Variants in RGS11 observed in about 807,000 individuals in gnomAD.
RGS11 encodes regulator of G-protein signaling 11.
RGS11 carries 86 observed loss-of-function variants against 71.1 expected under a neutral mutation model. That is an observed-to-expected ratio of 1.21 (90% CI 1.02 to 1.45). The LOEUF (loss-of-function observed/expected upper bound fraction) is 1.45. Ranked by LOEUF, RGS11 falls within the 40% of genes most tolerant of loss-of-function variation. RGS11 has a pLI of 0.00. For missense variants in RGS11, 734 were observed against 635.1 expected, an observed-to-expected ratio of 1.16 and a Z score of -1.67; for synonymous variants, 298 against 254.2, an observed-to-expected ratio of 1.17 and a Z score of -1.64.
rs201529925 is a variant in RGS11 at position 273,543 on chromosome 16, G to A, written c.520C>T (p.Arg174Cys). The A allele has an allele frequency of 3.4e-5, 53 of 1,559,756 alleles. No individual in the cohort carries two copies. In the South Asian group the frequency reaches 3.4e-4, roughly 10 times the overall value. The change falls in exon 8 of 17, where the codon CGC becomes TGC. Residue 174 changes from arginine to cysteine, a missense_variant. By Grantham distance (180) the Arg-to-Cys change is radical (BLOSUM62 -3). Transcript: ENST00000397770. The stretch of plus-strand genomic sequence containing the variant: ...ATGACCAGCCTGTCCCCCTTGCTGC[G>A]CTGCTTGGCTGCCCTGGGAGGAGGA... ...AREQLRAAKQRSKGDRLVIAC... is the reference protein window; with the variant it reads ...AREQLRAAKQCSKGDRLVIAC...
At position 270,562 on chromosome 16, in the gene RGS11, C is replaced by G. The variant is rs1330443328; in HGVS notation, c.1167G>C (p.Leu389=). 5 of 1,608,786 alleles carry G rather than the reference C, an allele frequency of 3.1e-6. No individual in the cohort carries two copies. The highest frequency in any genetic ancestry group is 4.2e-6 in the Non-Finnish European group (5 of 1,178,090). The stretch of plus-strand genomic sequence containing the variant: ...TGTATATGTGCAGCTGGGCGTCATC[C>G]AGGACATAGCGGTGGGGCTGGCGCA... The part of the protein sequence containing the change: ...EGLRQPHRYV[L]DDAQLHIYML... Residue 389 remains leucine, a synonymous_variant, in exon 15 of 17, where the codon CTG becomes CTC. Coordinates refer to ENST00000397770, the MANE Select transcript of RGS11 (RefSeq NM_183337.3).
chr16:270,785 T>C lies in RGS11; in HGVS notation c.1026A>G (p.Gly342=). 3.1e-6 allele frequency: 5 copies of C among 1,612,468 alleles called. No individual in the cohort carries two copies. In the South Asian group the frequency reaches 3.3e-5, roughly 11 times the overall value. The change falls in exon 14 of 17, where the codon GGA becomes GGG. Residue 342 remains glycine (G), a synonymous_variant. Transcript: ENST00000397770. ...FWEACEELRY[G]AQAQVPTLVD... is the part of the protein sequence containing the mutation. ...CCAGGGTGGGGACCTGGGCCTGCGC[T>C]CCATATCGAAGCTCCTCACATGCCT...
rs181252644 is a variant in RGS11 at position 268,455 on chromosome 16, C to A, written c.*814G>T. On this transcript the variant is annotated 3_prime_UTR_variant, in exon 17 of 17. Transcript: ENST00000397770. ...GCACCCCCGAAAGGAGCCAGCTGTACCTTCACCCAGTCTGGGGGACTGGTG... is the reference window on the plus strand; with the variant it reads ...GCACCCCCGAAAGGAGCCAGCTGTAACTTCACCCAGTCTGGGGGACTGGTG... 311 of 443,910 alleles carry A rather than the reference C, an allele frequency of 7.0e-4. No homozygotes were observed. The highest frequency in any genetic ancestry group is 2.0e-3 in the Admixed American group (57 of 28,408). The allele number at this position is 443,910 out of a possible 1,614,324, so 27.5% of individuals were successfully genotyped here. A position where few individuals can be genotyped will look rare whatever the true frequency, so the allele number is the denominator to read the frequency against.
Position 268,958 on chromosome 16 carries a change from A to G in RGS11, c.*311T>C. The G allele has an allele frequency of 6.5e-7, 1 of 1,549,160 alleles. No individual in the cohort carries two copies. Among genetic ancestry groups the G allele is most frequent in the Non-Finnish European group, 8.7e-7 (1 of 1,145,734 alleles). On this transcript the variant is annotated 3_prime_UTR_variant, in exon 17 of 17. Transcript: ENST00000397770. ...ATGGGCACCCAGTGCTGGACTGAAG[A>G]CCAGAGAAGGTGGAGCTCCCTGTGG...
Position 275,431 on chromosome 16 carries a change from A to C in RGS11, c.131T>G (p.Leu44Arg). ...QGVKMRSQRL[L>R]VTVIPHAVTG... is the part of the protein sequence containing the mutation. ...CACCGCGTGGGGAATGACGGTGACC[A>C]GCAGGCGCTGGCTCCGCATCTTCAC... Residue 44 changes from leucine (L) to arginine (R), a missense_variant, in exon 2 of 17, where the codon CTG becomes CGG. Physicochemically the swap from Leu to Arg is moderately radical, Grantham distance 102. Coordinates refer to ENST00000397770, the MANE Select transcript of RGS11 (RefSeq NM_183337.3). 4.4e-6 allele frequency: 7 copies of C among 1,602,008 alleles called. No homozygotes were observed. Among genetic ancestry groups the C allele is most frequent in the Non-Finnish European group, 5.9e-6 (7 of 1,179,030 alleles).
Position 274,035 on chromosome 16 carries a change from G to C in RGS11, c.429+8C>G. 1 of 1,548,400 alleles carries C rather than the reference G, an allele frequency of 6.5e-7. No individual in the cohort carries two copies. Among genetic ancestry groups the C allele is most frequent in the East Asian group, 2.4e-5 (1 of 40,918 alleles). On this transcript the variant is annotated splice_region_variant and intron_variant, in intron 6 of 16. Transcript: ENST00000397770. ...CCCAGCCGGGGCGGGAAGGGTGGGGGGTCCCACCTTCTCATAATCCACCAG... is the reference window on the plus strand; with the variant it reads ...CCCAGCCGGGGCGGGAAGGGTGGGGCGTCCCACCTTCTCATAATCCACCAG...
At chr16:270,017 ATGCG>A (rs1394203059) in intron 15 of RGS11, 3 of 180,566 alleles carry the variant, frequency 1.7e-5, no homozygotes, top group African/African-American at 2.4e-5. Flanking sequence ...TGGGAGGCTG[ATGCG>A]GGTGGATCAT....
In RGS11 at chr16:273,504, G is replaced by A; in HGVS notation, c.559C>T (p.Gln187Ter). Residue 187 changes from glutamine (Q) to a stop codon, truncating the protein, a stop_gained, in exon 8 of 17, where the codon CAG (glutamine) becomes TAG (stop). Coordinates refer to ENST00000397770, the MANE Select transcript of RGS11 (RefSeq NM_183337.3). LOFTEE classifies it high-confidence loss of function. ...GGCCTGTTCACCAGCCAGTAGGTCT[G>A]CTCCTGGCACGCAATGACCAGCCTG... ...GDRLVIACQE[Q>*]TYWLVNRPPP... 6.4e-7 allele frequency: 1 copy of A among 1,555,572 alleles called. No homozygotes were observed. The highest frequency in any genetic ancestry group is 1.4e-5 in the African/African-American group (1 of 73,690).
intron 9 of RGS11, chr16:272,601 C>T (rs1233170313): frequency 4.1e-6 from 6 of 1,454,894 alleles, no homozygotes; most frequent in South Asian, 2.7e-5. Flanking sequence ...GAAGAGCCCC[C>T]TTCCTCCCCG....
Position 269,956 on chromosome 16 carries a change from G to A in RGS11, c.1207-371C>T, listed in dbSNP as rs193198043. ...AGGTAGGCCACGCATGGTGGCTCAC[G>A]CCTGTGATCCCGGCCGGGCAGAGTG... On this transcript the variant is annotated intron_variant, in intron 15 of 16. Transcript: ENST00000397770. 126 of 214,526 alleles carry A rather than the reference G, an allele frequency of 5.9e-4. 1 individual carries two copies. The South Asian group carries it at 9.5e-3, about 16-fold the overall frequency. 13.3% of individuals were successfully genotyped at this position (214,526 alleles called of 1,614,324 possible). A position where few individuals can be genotyped will look rare whatever the true frequency, so the allele number is the denominator to read the frequency against.
chr16:270,267 C>G (rs1339215902), intron 15 of RGS11, among the ~76,000 whole-genome samples: 1 of 151,884 alleles, frequency 6.6e-6, no homozygotes, highest in African/African-American at 2.4e-5. Context: ...GAAAACAAAA[C>G]TTTTTAGATC....
At chr16:275,537 C>T (rs1339918483) in intron 1 of RGS11, 39 bp from the exon 2 acceptor site, 25 of 1,473,520 alleles carry the variant, frequency 1.7e-5, no homozygotes, top group Non-Finnish European at 2.2e-5. Flanking sequence ...CTGGCCGCCC[C>T]GCAACCCTGA....
chr16:271,706 C>G (rs1056210184), intron 9 of RGS11, 137 bp from the exon 10 acceptor site: 1 of 794,936 alleles, frequency 1.3e-6, no homozygotes, highest in Non-Finnish European at 2.1e-6. Context: ...CCCCCAGTCC[C>G]GCCCCTTGGA....
At position 268,644 on chromosome 16, in the gene RGS11, T is replaced by G. The variant is rs1596877794; in HGVS notation, c.*625A>C. On this transcript the variant is annotated 3_prime_UTR_variant, in exon 17 of 17. Coordinates refer to ENST00000397770, the MANE Select transcript of RGS11 (RefSeq NM_183337.3). ...CGGGGGGGAGGCCGCGGCCTCGAGG[T>G]GGGAAAGCAGGTGCCGGCGCACCTG... is the stretch of plus-strand genomic sequence containing the variant. 2.3e-6 allele frequency: 2 copies of G among 864,710 alleles called. No individual in the cohort carries two copies. The highest frequency in any genetic ancestry group is 1.7e-5 in the African/African-American group (1 of 59,024). The allele number at this position is 864,710 out of a possible 1,614,324, so 53.6% of individuals were successfully genotyped here.
chr16:275,592 A>ATT, intron 1 of RGS11, 94 bp from the exon 2 acceptor site: 2 of 1,114,118 alleles, frequency 1.8e-6, no homozygotes, highest in Non-Finnish European at 2.5e-6. Context: ...GAGCGCGGAG[A>ATT]TTAACGCGCG....
In RGS11 at chr16:270,976, G is replaced by T. The variant is rs1297494895; in HGVS notation, c.979+8C>A. The T allele has an allele frequency of 2.5e-6, 4 of 1,603,876 alleles. No individual in the cohort carries two copies. The highest frequency in any genetic ancestry group is 2.6e-6 in the Non-Finnish European group (3 of 1,172,418). On this transcript the variant is annotated splice_region_variant and intron_variant, in intron 13 of 16. Coordinates refer to ENST00000397770, the MANE Select transcript of RGS11 (RefSeq NM_183337.3). The stretch of plus-strand genomic sequence containing the variant: ...CTGGGACTGGAGCAGGGGCTGGGGG[G>T]TTCTCACCACTGAACTCCTTTCCCA...
At position 268,969 on chromosome 16, in the gene RGS11, T is replaced by C. The variant is rs2051793292; in HGVS notation, c.*300A>G. The C allele has an allele frequency of 5.2e-6, 8 of 1,543,564 alleles. 1 individual carries two copies. In the South Asian group the frequency reaches 6.0e-5, roughly 11 times the overall value. On this transcript the variant is annotated 3_prime_UTR_variant, in exon 17 of 17. Transcript: ENST00000397770. ...GTGCTGGACTGAAGACCAGAGAAGG[T>C]GGAGCTCCCTGTGGCCTTGGTCTCA...
intron 4 of RGS11, chr16:274,628 G>A (rs1272762559): frequency 2.1e-5 from 13 of 630,874 alleles, no homozygotes; most frequent in Admixed American, 1.3e-4. Flanking sequence ...TGGTTAGGGA[G>A]GGCAGGAATG....
intron 9 of RGS11, chr16:271,913 C>A (rs12051424): frequency 6.5e-5 from 22 of 339,184 alleles, no homozygotes; most frequent in Non-Finnish European, 1.0e-4. Flanking sequence ...CTCGGCTCAC[C>A]GCAACCTCCG....
Sources: allele counts gnomAD v4.1 joint callset (sites outside exome capture counted in the v4.1 genomes callset), GRCh38; gene constraint gnomAD v4.1.1; transcripts MANE v1.5; gene names NCBI Gene and HGNC (gene_info 2026-07-23, HGNC 2026-07-21).